Variants in COPS2 observed in about 807,000 individuals in gnomAD.
COPS2 encodes COP9 signalosome subunit 2.
COPS2 carries 10 observed loss-of-function variants against 66.1 expected under a neutral mutation model. That is an observed-to-expected ratio of 0.15 (90% CI 0.09 to 0.26). COPS2 has a LOEUF of 0.26. COPS2 is among the 10% of genes least tolerant of loss of function. The probability of loss-of-function intolerance (pLI) is 1.00; values close to 1 mark genes in which losing one functional copy is unlikely to be tolerated. For missense variants in COPS2, 215 were observed against 513.3 expected (o/e 0.42, Z 5.62); for synonymous variants, 179 against 171.3 (o/e 1.04, Z -0.35).
At chr15:49,144,127 AAAG>A (rs1292927332) in intron 3 of COPS2, 97 bp downstream of exon 3, 1 of 793,302 alleles carries the variant, frequency 1.3e-6, no homozygotes, top group Non-Finnish European at 2.1e-6. Context: ...AAACACATCC[AAAG>A]AAGTACTTTA....
chr15:49,133,730 T>C (rs760214077), intron 9 of COPS2, 29 bp downstream of exon 9: 9 of 1,517,922 alleles, frequency 5.9e-6, no homozygotes, highest in Non-Finnish European at 7.2e-6. Context: ...TTTAAGGAAA[T>C]TTACCTTAAC....
At chr15:49,140,299 T>C (rs111976048) in intron 3 of COPS2, among the ~76,000 whole-genome samples, 4,737 of 152,138 alleles carry the variant, frequency 0.031, 148 homozygotes, top group African/African-American at 0.071. Context: ...TCGGCCAAAA[T>C]CCAAGCTTTC....
rs565568712 is a variant in COPS2 at position 49,123,938 on chromosome 15, G to A, written c.*4012C>T. On this transcript the variant is annotated 3_prime_UTR_variant, in exon 13 of 13. Coordinates refer to ENST00000388901, the MANE Select transcript of COPS2 (RefSeq NM_004236.4). The stretch of plus-strand genomic sequence containing the variant: ...CTAGTTGACAGTTTAAATTTGTGGT[G>A]CTTAATATAACACAAATCCTCCAAA... 2.0e-5 allele frequency: 3 copies of A among 152,272 alleles called. No homozygotes were observed. Among genetic ancestry groups the A allele is most frequent in the African/African-American group, 7.2e-5 (3 of 41,556 alleles). The allele number at this position is 152,272 out of a possible 1,614,324, so 9.4% of individuals were successfully genotyped here.
At chr15:49,130,683 G>C (rs767003326) in intron 10 of COPS2, 36 bp downstream of exon 10, 1 of 1,277,502 alleles carries the variant, frequency 7.8e-7, no homozygotes, top group South Asian at 1.3e-5. Flanking sequence ...CAGTGGCAAA[G>C]AAAGTAATAG....
rs199639555 is a variant in COPS2 at position 49,125,042 on chromosome 15, A to T, written c.*2908T>A. 2.0e-5 allele frequency: 3 copies of T among 152,190 alleles called. No individual in the cohort carries two copies. The highest frequency in any genetic ancestry group is 3.8e-4 in the East Asian group (2 of 5,202). 9.4% of individuals were successfully genotyped at this position (152,190 alleles called of 1,614,324 possible). ...CCACAAAATTTCTACCATCATGGAT[A>T]TTTTAAATATTAAGAATAAGAGTTT... On this transcript the variant is annotated 3_prime_UTR_variant, in exon 13 of 13. Coordinates refer to ENST00000388901, the MANE Select transcript of COPS2 (RefSeq NM_004236.4).
chr15:49,128,687 T>C lies in COPS2; in HGVS notation c.1187+15A>G. On this transcript the variant is annotated intron_variant, in intron 12 of 12. Coordinates refer to ENST00000388901, the MANE Select transcript of COPS2 (RefSeq NM_004236.4). ...GTACCAAATATTTTGTGATAAAAAA[T>C]AGTAAAGTACTTACTTATCCAATAT... 6.4e-7 allele frequency: 1 copy of C among 1,562,042 alleles called. No individual in the cohort carries two copies. Among genetic ancestry groups the C allele is most frequent in the South Asian group, 1.2e-5 (1 of 85,992 alleles).
chr15:49,133,744 A>C lies in COPS2; in HGVS notation c.947+15T>G. 1 of 1,578,120 alleles carries C rather than the reference A, an allele frequency of 6.3e-7. No individual in the cohort carries two copies. Among genetic ancestry groups the C allele is most frequent in the South Asian group, 1.2e-5 (1 of 86,178 alleles). On this transcript the variant is annotated intron_variant, in intron 9 of 12. Transcript: ENST00000388901. ...CTTTAAGGAAATTTACCTTAACTGAAATACAAAATCTTACCTTACTAAATT... is the reference window on the plus strand; with the variant it reads ...CTTTAAGGAAATTTACCTTAACTGACATACAAAATCTTACCTTACTAAATT...
rs757440169 is a variant in COPS2 at position 49,133,945 on chromosome 15, T to C, written c.879A>G (p.Pro293=). 1.9e-6 allele frequency: 3 copies of C among 1,611,706 alleles called. No homozygotes were observed. Among genetic ancestry groups the C allele is most frequent in the East Asian group, 2.2e-5 (1 of 44,830 alleles). Residue 293 remains proline (P), a synonymous_variant, in exon 8 of 13, where the codon CCA becomes CCG. Coordinates refer to ENST00000388901, the MANE Select transcript of COPS2 (RefSeq NM_004236.4). The stretch of plus-strand genomic sequence containing the variant: ...ACACACGTACCTCCTGTGAGTCAAA[T>C]GGATTTATTCCCGATTTCATAAGCA... ...ANMLMKSGIN[P]FDSQEAKPYK...
chr15:49,152,173 AT>A (rs375472082), intron 1 of COPS2, among the ~76,000 whole-genome samples: 60 of 147,162 alleles, frequency 4.1e-4, no homozygotes, highest in Admixed American at 1.6e-3. Flanking sequence ...ACTAAGAAAC[AT>A]AAAAAAAAAA....
intron 4 of COPS2, among the ~76,000 whole-genome samples, chr15:49,138,705 G>A (rs2084270131): frequency 6.6e-6 from 1 of 151,952 alleles, no homozygotes; most frequent in African/African-American, 2.4e-5. Flanking sequence ...AGTACAAACT[G>A]CCTGAAAAAA....
intron 2 of COPS2, 43 bp from the exon 3 acceptor site, chr15:49,144,347 C>G (rs769679449): frequency 8.7e-7 from 1 of 1,154,824 alleles, no homozygotes; most frequent in East Asian, 2.3e-5. Context: ...AATATTAACA[C>G]ATTATTTTCT....
At chr15:49,134,953 T>C (rs1356832985) in intron 6 of COPS2, among the ~76,000 whole-genome samples, 2 of 152,158 alleles carry the variant, frequency 1.3e-5, no homozygotes, top group African/African-American at 4.8e-5. Flanking sequence ...CAAAACAACA[T>C]TAAATCACAG....
intron 6 of COPS2, among the ~76,000 whole-genome samples, chr15:49,134,782 C>T (rs557893464): frequency 3.2e-4 from 49 of 152,224 alleles, no homozygotes; most frequent in African/African-American, 7.9e-4. Context: ...GGAATATATT[C>T]CAAGACGTCC....
At chr15:49,139,497 A>G in intron 4 of COPS2, 31 bp downstream of exon 4, 3 of 1,549,560 alleles carry the variant, frequency 1.9e-6, no homozygotes, top group Non-Finnish European at 2.7e-6. Flanking sequence ...AAACACACTG[A>G]TCGTCCCAAG....
intron 6 of COPS2, among the ~76,000 whole-genome samples, chr15:49,135,925 A>T (rs539265971): frequency 3.3e-5 from 5 of 152,308 alleles, no homozygotes; most frequent in African/African-American, 1.2e-4. Context: ...CCTTATATAC[A>T]TACTGAAAGA....
At position 49,139,772 on chromosome 15, in the gene COPS2, A is replaced by G. The variant is rs113434715; in HGVS notation, c.247-119T>C. 1.6e-4 allele frequency: 115 copies of G among 712,102 alleles called. 1 individual carries two copies. The African/African-American group carries it at 1.9e-3, about 12-fold the overall frequency. 44.1% of individuals were successfully genotyped at this position (712,102 alleles called of 1,614,324 possible). On this transcript the variant is annotated intron_variant, in intron 3 of 12. Transcript: ENST00000388901. The stretch of plus-strand genomic sequence containing the variant: ...AAATGTAGTTCATATAGTTCCTGAT[A>G]TAGTTTTGTAAAAGAGGAACTATGT...
At chr15:49,150,818 C>T (rs551757183) in intron 1 of COPS2, among the ~76,000 whole-genome samples, 7 of 152,162 alleles carry the variant, frequency 4.6e-5, no homozygotes, top group African/African-American at 1.7e-4. Context: ...TGGCTTAGTA[C>T]CTGGGTGATG....
At chr15:49,144,446 A>G (rs2084308389) in intron 2 of COPS2, 142 bp from the exon 3 acceptor site, 2 of 558,860 alleles carry the variant, frequency 3.6e-6, no homozygotes, top group Non-Finnish European at 6.2e-6. Context: ...TCTCAATGTC[A>G]TTTTTCAGTC....
chr15:49,155,401 G>A (rs2084418604), intron 1 of COPS2, 124 bp downstream of exon 1: 2 of 854,802 alleles, frequency 2.3e-6, no homozygotes, highest in Non-Finnish European at 3.9e-6. Flanking sequence ...AACCAGTCCT[G>A]TCACCGCACT....
Sources: allele counts gnomAD v4.1 joint callset (sites outside exome capture counted in the v4.1 genomes callset), GRCh38; gene constraint gnomAD v4.1.1; transcripts MANE v1.5; gene names NCBI Gene and HGNC (gene_info 2026-07-23, HGNC 2026-07-21).